AFF1: variants seen among roughly 807,000 people sequenced by gnomAD.
AFF1 encodes the protein AF4/FMR2 family member 1.
In AFF1, 48 loss-of-function variants were observed where a neutral mutation model predicts 121.7. That is an observed-to-expected ratio of 0.39 (90% CI 0.31 to 0.50). The LOEUF is 0.50. AFF1 is among the 20% of genes least tolerant of loss of function. The pLI, the probability that AFF1 is intolerant of heterozygous loss-of-function variation, is 0.76. For missense variants in AFF1, 1,523 were observed against 1,511.7 expected, an observed-to-expected ratio of 1.01 and a Z score of -0.12; for synonymous variants, 613 against 563.0, an observed-to-expected ratio of 1.09 and a Z score of -1.26.
chr4:86,981,804 A>ATAACAGACG (rs1560515800), intron 2 of AFF1, among the ~76,000 whole-genome samples: 3 of 152,240 alleles, frequency 2.0e-5, no homozygotes, highest in Non-Finnish European at 1.5e-5. Flanking sequence ...CACTTTATAA[A>ATAACAGACG]TAACAGACGT....
intron 7 of AFF1, among the ~76,000 whole-genome samples, chr4:87,092,576 T>A (rs922858795): frequency 6.6e-6 from 1 of 152,108 alleles, no homozygotes; most frequent in Admixed American, 6.6e-5. Flanking sequence ...GCAGCTAGTT[T>A]TTGTAAATAA....
chr4:87,088,534 A>G (rs1309291043), intron 5 of AFF1, among the ~76,000 whole-genome samples: 1 of 152,216 alleles, frequency 6.6e-6, no homozygotes, highest in Non-Finnish European at 1.5e-5. Flanking sequence ...GTTAGAATAC[A>G]TCATGTGTTA....
chr4:86,997,854 A>T (rs979201575), intron 2 of AFF1, among the ~76,000 whole-genome samples: 2 of 152,088 alleles, frequency 1.3e-5, no homozygotes, highest in Non-Finnish European at 2.9e-5. Flanking sequence ...CACGCCTGTA[A>T]TCCCAGCACT....
chr4:87,104,276 G>C (rs1725699094), intron 8 of AFF1, among the ~76,000 whole-genome samples: 1 of 152,206 alleles, frequency 6.6e-6, no homozygotes, highest in South Asian at 2.1e-4. Context: ...ATGGTGGCCT[G>C]TGCCTGTAGT....
chr4:87,050,528 A>G (rs1731163022), intron 4 of AFF1, among the ~76,000 whole-genome samples: 1 of 152,152 alleles, frequency 6.6e-6, no homozygotes, highest in African/African-American at 2.4e-5. Context: ...CATGGGAAAT[A>G]CTTGGTTTTA....
chr4:87,063,481 C>CTCG (rs1265208631), intron 4 of AFF1, among the ~76,000 whole-genome samples: 2 of 151,970 alleles, frequency 1.3e-5, no homozygotes, highest in Admixed American at 1.3e-4. Context: ...TCAGGTGATC[C>CTCG]GCCCACCTCG....
intron 5 of AFF1, among the ~76,000 whole-genome samples, chr4:87,089,089 G>A (rs1010981679): frequency 6.6e-6 from 1 of 151,242 alleles, no homozygotes; most frequent in Admixed American, 6.6e-5. Context: ...TGACACATGT[G>A]GGAACCACCT....
At chr4:87,059,786 G>A (rs1720543982) in intron 4 of AFF1, among the ~76,000 whole-genome samples, 1 of 152,124 alleles carries the variant, frequency 6.6e-6, no homozygotes, top group African/African-American at 2.4e-5. Context: ...CGCTGCCCAG[G>A]CCCGAGTTTC....
intron 2 of AFF1, among the ~76,000 whole-genome samples, chr4:87,015,228 A>G (rs988282986): frequency 1.6e-4 from 24 of 152,176 alleles, no homozygotes; most frequent in African/African-American, 5.5e-4. Context: ...ACTCATTTAC[A>G]GTCTGTGTCT....
rs759591408 is a variant in AFF1 at position 87,047,176 on chromosome 4, C to T, written c.641C>T (p.Pro214Leu). Residue 214 changes from proline (P) to leucine (L), a missense_variant, in exon 4 of 21, where the codon CCA (proline) becomes CTA (leucine). Transcript: ENST00000395146. ...ELSPLISLPS[P>L]VPPLSPIHSN... ...TCTCCCTTAATCTCTTTGCCTTCCC[C>T]AGTTCCCCCTTTGTCACCTATACAT... is the stretch of plus-strand genomic sequence containing the variant. The T allele has an allele frequency of 4.3e-6, 7 of 1,614,206 alleles. No homozygotes were observed. The highest frequency in any genetic ancestry group is 1.6e-4 in the Middle Eastern group (1 of 6,062).
chr4:87,020,402 C>T (rs1228714839), intron 2 of AFF1, among the ~76,000 whole-genome samples: 1 of 152,132 alleles, frequency 6.6e-6, no homozygotes, highest in Non-Finnish European at 1.5e-5. Context: ...TTTGATCTGC[C>T]ATGGACTAAG....
At chr4:86,962,432 C>T (rs1200163534) in intron 2 of AFF1, among the ~76,000 whole-genome samples, 3 of 152,108 alleles carry the variant, frequency 2.0e-5, no homozygotes, top group African/African-American at 4.8e-5. Flanking sequence ...ATTTAAAGCC[C>T]ATGGAGTGCT....
In AFF1 at chr4:87,126,348, C is replaced by T. The variant is rs1456948346; in HGVS notation, c.2811+12C>T. 29 of 1,609,844 alleles carry T rather than the reference C, an allele frequency of 1.8e-5. No homozygotes were observed. Among genetic ancestry groups the T allele is most frequent in the Non-Finnish European group, 2.2e-5 (26 of 1,176,314 alleles). On this transcript the variant is annotated intron_variant, in intron 14 of 20. Transcript: ENST00000395146. ...CCTCGGAGCACAAGGTGAGCAGGGG[C>T]GGCGGTCACTCTGTAAGATGGGATG... is the stretch of plus-strand genomic sequence containing the variant.
At chr4:87,111,222 T>C (rs1177523233) in intron 11 of AFF1, among the ~76,000 whole-genome samples, 1 of 38,842 alleles carries the variant, frequency 2.6e-5, no homozygotes, top group African/African-American at 7.7e-5. Context: ...TTTCACCGTG[T>C]TAGCCAGGAT....
chr4:87,053,721 G>A (rs866448938), intron 4 of AFF1, among the ~76,000 whole-genome samples: 1 of 152,152 alleles, frequency 6.6e-6, no homozygotes, highest in African/African-American at 2.4e-5. Flanking sequence ...TTAAAATGGT[G>A]GGCAAAACCA....
At chr4:86,939,524 CGTG>C (rs1433011680) in intron 1 of AFF1, among the ~76,000 whole-genome samples, 1 of 152,148 alleles carries the variant, frequency 6.6e-6, no homozygotes, top group Admixed American at 6.6e-5. Flanking sequence ...TTAACAGACA[CGTG>C]GTGTTTATTT....
At chr4:87,109,737 G>A (rs560015470) in intron 11 of AFF1, among the ~76,000 whole-genome samples, 18 of 152,310 alleles carry the variant, frequency 1.2e-4, no homozygotes, top group African/African-American at 3.1e-4. Context: ...ATAGTCTGGC[G>A]TTTGTAGTAA....
At chr4:86,993,120 A>G (rs1376846295) in intron 2 of AFF1, among the ~76,000 whole-genome samples, 1 of 152,180 alleles carries the variant, frequency 6.6e-6, no homozygotes, top group Non-Finnish European at 1.5e-5. Flanking sequence ...AAACTCCCCT[A>G]ACTTTTTGGA....
At chr4:86,978,006 A>G (rs1385320323) in intron 2 of AFF1, among the ~76,000 whole-genome samples, 1 of 152,062 alleles carries the variant, frequency 6.6e-6, no homozygotes, top group East Asian at 1.9e-4. Flanking sequence ...GGTGGAAGGA[A>G]GATGGTAAAT....
Sources: allele counts gnomAD v4.1 joint callset (sites outside exome capture counted in the v4.1 genomes callset), GRCh38; gene constraint gnomAD v4.1.1; transcripts MANE v1.5; gene names NCBI Gene and HGNC (gene_info 2026-07-23, HGNC 2026-07-21).